Variants in STPG2 observed in about 807,000 individuals in gnomAD.
STPG2 encodes sperm-tail PG-rich repeat-containing protein 2.
A neutral mutation model predicts 54.2 loss-of-function variants in STPG2; 56 were observed. The observed-to-expected ratio is 1.03, with a 90% CI of 0.83 to 1.29. STPG2 has a LOEUF of 1.29. STPG2 is among the 50% of genes most tolerant of loss of function. STPG2 has a pLI of 0.00. For synonymous variants in STPG2, 200 were observed against 181.8 expected, an observed-to-expected ratio of 1.10 and a Z score of -0.81; for missense variants, 596 against 544.9, an observed-to-expected ratio of 1.09 and a Z score of -0.93.
intron 8 of STPG2, among the ~76,000 whole-genome samples, chr4:97,903,548 T>C (rs958328691): frequency 1.3e-5 from 2 of 151,958 alleles, no homozygotes; most frequent in Non-Finnish European, 2.9e-5. Context: ...AAGACGGCTA[T>C]TTTAAAAGAC....
chr4:97,652,071 T>C (rs1486131706), intron 10 of STPG2, among the ~76,000 whole-genome samples: 1 of 151,856 alleles, frequency 6.6e-6, no homozygotes, highest in African/African-American at 2.4e-5. Flanking sequence ...AAACAGATAC[T>C]CTGATAGTAA....
chr4:97,653,388 GAA>G (rs72319515), intron 10 of STPG2, among the ~76,000 whole-genome samples: 1 of 141,384 alleles, frequency 7.1e-6, no homozygotes, highest in Non-Finnish European at 1.6e-5. Flanking sequence ...CAATATGGAA[GAA>G]AAAAAAAAAC....
intron 9 of STPG2, among the ~76,000 whole-genome samples, chr4:97,767,114 T>C (rs1295037685): frequency 6.6e-6 from 1 of 152,164 alleles, no homozygotes; most frequent in African/African-American, 2.4e-5. Flanking sequence ...GTCACAGTTA[T>C]TTTATGACTT....
chr4:97,638,371 G>C (rs1721634531), intron 10 of STPG2, among the ~76,000 whole-genome samples: 1 of 152,024 alleles, frequency 6.6e-6, no homozygotes, highest in South Asian at 2.1e-4. Context: ...TTAAACATTA[G>C]ACCTAAAACC....
intron 7 of STPG2, among the ~76,000 whole-genome samples, chr4:97,944,521 A>C (rs1475332657): frequency 6.6e-6 from 1 of 152,118 alleles, no homozygotes; most frequent in Non-Finnish European, 1.5e-5. Flanking sequence ...CTAGTAATGT[A>C]ATATTTCAAT....
chr4:97,748,641 T>C (rs1357170569), intron 9 of STPG2, among the ~76,000 whole-genome samples: 2 of 151,576 alleles, frequency 1.3e-5, no homozygotes, highest in Non-Finnish European at 3.0e-5. Context: ...CTGTTGCAAG[T>C]ATTCAACTCT....
chr4:97,859,806 A>G (rs944463808), intron 8 of STPG2, among the ~76,000 whole-genome samples: 1 of 152,200 alleles, frequency 6.6e-6, no homozygotes, highest in African/African-American at 2.4e-5. Context: ...GCCTAAGCCA[A>G]TGCTGAGAAG....
At chr4:98,117,978 A>G (rs961726972) in intron 3 of STPG2, among the ~76,000 whole-genome samples, 1 of 151,930 alleles carries the variant, frequency 6.6e-6, no homozygotes, top group African/African-American at 2.4e-5. Flanking sequence ...TTTTTTTATT[A>G]TTTGCATGTC....
intron 5 of STPG2, among the ~76,000 whole-genome samples, chr4:98,060,089 A>G (rs1185506343): frequency 6.6e-6 from 1 of 152,182 alleles, no homozygotes; most frequent in African/African-American, 2.4e-5. Flanking sequence ...AAAGAAATAG[A>G]GGGCATCCTC....
intron 10 of STPG2, among the ~76,000 whole-genome samples, chr4:97,606,652 CAAT>C (rs767770203): frequency 2.6e-5 from 4 of 151,860 alleles, no homozygotes; most frequent in Non-Finnish European, 5.9e-5. Flanking sequence ...TTAAAAATCA[CAAT>C]GTGTTATTTT....
At chr4:97,967,398 CAAT>C (rs1734145327) in intron 7 of STPG2, among the ~76,000 whole-genome samples, 1 of 152,030 alleles carries the variant, frequency 6.6e-6, no homozygotes, top group East Asian at 1.9e-4. Context: ...GACTCCTACA[CAAT>C]AATAATGGGA....
At chr4:97,760,664 A>G (rs1725864155) in intron 9 of STPG2, among the ~76,000 whole-genome samples, 1 of 152,214 alleles carries the variant, frequency 6.6e-6, no homozygotes, top group African/African-American at 2.4e-5. Flanking sequence ...AAGAGAAGAT[A>G]CTGTAACTCA....
At chr4:97,772,888 T>C (rs1473194993) in intron 9 of STPG2, among the ~76,000 whole-genome samples, 1 of 152,184 alleles carries the variant, frequency 6.6e-6, no homozygotes, top group Non-Finnish European at 1.5e-5. Flanking sequence ...CAACTTGTCA[T>C]TTTGGAAGCC....
rs80185021 is a variant in STPG2, at chr4:97,454,913, T to C, written c.462+257786A>G. On this transcript the variant is annotated intron_variant, in intron 4 of 4. Transcript: ENST00000522676. ...AAATAGAATGCTGCAACAAACATTA[T>C]ATAAAGCTGGTATATTTGGTTCTAA... Among the ~76,000 whole-genome samples, 800 of 152,308 alleles carry C rather than the reference T, an allele frequency of 5.3e-3. 5 individuals carry two copies. Among genetic ancestry groups the C allele is most frequent in the African/African-American group, 0.018 (759 of 41,566 alleles).
chr4:97,949,877 G>GT (rs796287036), intron 7 of STPG2, among the ~76,000 whole-genome samples: 1 of 151,520 alleles, frequency 6.6e-6, no homozygotes, highest in Non-Finnish European at 1.5e-5. Context: ...TTTGTTTTTT[G>GT]TTTTTTGTTT....
chr4:97,444,666 G>C (rs1729173663), intron 4 of STPG2, among the ~76,000 whole-genome samples: 1 of 152,122 alleles, frequency 6.6e-6, no homozygotes, highest in Non-Finnish European at 1.5e-5. Flanking sequence ...AATCTAAGGA[G>C]AAGCACAGAA....
Position 97,854,657 on chromosome 4 carries a change from A to G in STPG2, c.1045-13725T>C, listed in dbSNP as rs572731575. On this transcript the variant is annotated intron_variant, in intron 8 of 10. Transcript: ENST00000295268. ...TGGCAGGTATCAAGGTATCAATTCT[A>G]CCATATCAATAATGACATTACATGT... is the stretch of plus-strand genomic sequence containing the variant. Among the ~76,000 whole-genome samples, 5 of 152,214 alleles carry G rather than the reference A, an allele frequency of 3.3e-5. No individual in the cohort carries two copies. The South Asian group carries it at 1.0e-3, about 32-fold the overall frequency.
At chr4:97,535,293 C>G (rs760519422) in intron 4 of STPG2, among the ~76,000 whole-genome samples, 28 of 152,158 alleles carry the variant, frequency 1.8e-4, no homozygotes, top group Non-Finnish European at 3.4e-4. Context: ...ACCAGTACCA[C>G]CACCAAGTTT....
At chr4:97,843,102 T>G (rs952041443) in intron 8 of STPG2, among the ~76,000 whole-genome samples, 1 of 151,932 alleles carries the variant, frequency 6.6e-6, no homozygotes, top group African/African-American at 2.4e-5. Context: ...TTGGCGATTC[T>G]TTATACATCA....
Sources: gnomAD v4.1 joint callset for allele counts (sites outside exome capture counted in the v4.1 genomes callset) on GRCh38, gnomAD v4.1.1 for gene constraint, MANE v1.5 for transcripts, NCBI Gene and HGNC (gene_info 2026-07-23, HGNC 2026-07-21) for gene names.